The following NF2 variants were observed in gnomAD, a reference collection of about 807,000 sequenced individuals.
The protein encoded by NF2 is merlin.
Under a neutral mutation model 83.7 loss-of-function variants are expected in NF2, and 8 were observed. That is an observed-to-expected ratio of 0.10 (90% CI 0.06 to 0.17). The LOEUF is 0.17. Among genes scored for constraint, NF2 ranks in the 10% least tolerant of loss-of-function variants. The pLI, the probability that NF2 is intolerant of heterozygous loss-of-function variation, is 1.00. For missense variants in NF2, 533 were observed against 744.4 expected (o/e 0.72, Z 3.31); for synonymous variants, 266 against 269.6 (o/e 0.99, Z 0.13).
chr22:29,639,356 G>C (rs772936176), intron 3 of NF2, 144 bp downstream of exon 3: 51 of 1,007,604 alleles, frequency 5.1e-5, no homozygotes, highest in Non-Finnish European at 7.2e-5. Context: ...TTCTGTAATG[G>C]AAAAAAGGCT....
rs760095910 is a variant in NF2, at chr22:29,661,346, CAT to C, written c.810+8_810+9del. 5.1e-5 allele frequency: 82 copies of C among 1,613,674 alleles called. No individual in the cohort carries two copies. Among genetic ancestry groups the C allele is most frequent in the Admixed American group, 8.3e-5 (5 of 60,018 alleles). Reference sequence around the variant, plus strand: ...CTCGTACAGTGACAAGGAGGTAGGACATGTGTGTACTGCAGATGGGTCCAGCA... The same window carrying C: ...CTCGTACAGTGACAAGGAGGTAGGACGTGTGTACTGCAGATGGGTCCAGCA... On this transcript the variant is annotated splice_region_variant and intron_variant, in intron 8 of 15. Coordinates refer to ENST00000338641, the MANE Select transcript of NF2 (RefSeq NM_000268.4).
chr22:29,692,050 T>G (rs2267151), intron 15 of NF2, among the ~76,000 whole-genome samples: 46,277 of 152,058 alleles, frequency 0.3, 7,409 homozygotes, highest in Non-Finnish European at 0.37. Context: ...AATTGCACAA[T>G]GAGGGTAAAG....
chr22:29,624,865 CTT>C (rs773584805), intron 1 of NF2, among the ~76,000 whole-genome samples: 10 of 125,698 alleles, frequency 8.0e-5, no homozygotes, highest in African/African-American at 3.0e-4. Flanking sequence ...TTCTTTCTTT[CTT>C]TCTCTTTCTC....
rs2066578985 is a variant in NF2, at chr22:29,665,004, A to C, written c.825A>C (p.Pro275=). 6.2e-7 allele frequency: 1 copy of C among 1,612,598 alleles called. No homozygotes were observed. Among genetic ancestry groups the C allele is most frequent in the African/African-American group, 1.3e-5 (1 of 74,892 alleles). ...SYSDKEFTIK[P]LDKKIDVFKF... ...CATTCTTCCAGTTTACTATTAAACC[A>C]CTGGATAAGAAAATTGATGTCTTCA... Residue 275 remains proline, a synonymous_variant, in exon 9 of 16, where the codon CCA becomes CCC. Transcript: ENST00000338641.
chr22:29,622,733 G>C (rs901562887), intron 1 of NF2, among the ~76,000 whole-genome samples: 1 of 130,330 alleles, frequency 7.7e-6, no homozygotes, highest in African/African-American at 3.0e-5. Context: ...TCTGCTCACT[G>C]CAACCTCCAC....
chr22:29,643,939 CCCGGACGGGGCGG>C (rs1569285701), intron 4 of NF2, among the ~76,000 whole-genome samples: 1 of 132,390 alleles, frequency 7.6e-6, no homozygotes, highest in Non-Finnish European at 1.7e-5. Flanking sequence ...CAACCTCCCT[CCCGGACGGGGCGG>C]CTGGCCTGGC....
At chr22:29,619,154 C>G (rs2065147245) in intron 1 of NF2, among the ~76,000 whole-genome samples, 1 of 151,982 alleles carries the variant, frequency 6.6e-6, no homozygotes, top group Non-Finnish European at 1.5e-5. Context: ...AAGTGATTCT[C>G]CAGCCTCAGC....
At position 29,668,428 on chromosome 22, in the gene NF2, G is replaced by A. The variant is rs768194921; in HGVS notation, c.981G>A (p.Glu327=). ...AGCAGATGAAAGCCCAGGCCAGGGA[G>A]GAGAAGGCTAGAAAGCAGGTGAGCA... The part of the protein sequence containing the change: ...EVQQMKAQAR[E]EKARKQMERQ... The change falls in exon 10 of 16, where the codon GAG becomes GAA. Residue 327 remains glutamate (E), a synonymous_variant. Transcript: ENST00000338641. 4 of 1,613,734 alleles carry A rather than the reference G, an allele frequency of 2.5e-6. No individual in the cohort carries two copies. The East Asian group carries it at 8.9e-5, about 36-fold the overall frequency.
intron 1 of NF2, among the ~76,000 whole-genome samples, chr22:29,605,535 C>T (rs1183171025): frequency 6.6e-6 from 1 of 152,116 alleles, no homozygotes; most frequent in Non-Finnish European, 1.5e-5. Context: ...ATCTTGAACT[C>T]CTGAGCTCAA....
chr22:29,686,632 T>C (rs527891708), intron 15 of NF2, among the ~76,000 whole-genome samples: 5 of 152,342 alleles, frequency 3.3e-5, no homozygotes, highest in African/African-American at 1.2e-4. Context: ...AGAGCAAGAT[T>C]CCATCTCATA....
intron 15 of NF2, among the ~76,000 whole-genome samples, chr22:29,693,776 C>T (rs563164968): frequency 1.3e-5 from 2 of 152,274 alleles, no homozygotes; most frequent in South Asian, 2.1e-4. Context: ...CTGATCGGCA[C>T]ATAACACTAA....
chr22:29,655,975 G>T (rs1309605763), intron 6 of NF2, among the ~76,000 whole-genome samples: 2 of 147,480 alleles, frequency 1.4e-5, no homozygotes, highest in South Asian at 2.1e-4. Flanking sequence ...GTCTTGCTCT[G>T]TTGTCCAGGC....
At chr22:29,667,969 A>C (rs1434170816) in intron 9 of NF2, among the ~76,000 whole-genome samples, 1 of 152,016 alleles carries the variant, frequency 6.6e-6, no homozygotes, top group African/African-American at 2.4e-5. Context: ...ATTTTTTTCC[A>C]CATGCATAAC....
chr22:29,638,496 G>T (rs1482412189), intron 2 of NF2, among the ~76,000 whole-genome samples: 1 of 151,918 alleles, frequency 6.6e-6, no homozygotes, highest in Non-Finnish European at 1.5e-5. Flanking sequence ...AATTACAGGT[G>T]TCCACCACCA....
chr22:29,670,464 C>G (rs1377414231), intron 10 of NF2, among the ~76,000 whole-genome samples: 1 of 150,618 alleles, frequency 6.6e-6, no homozygotes, highest in African/African-American at 2.5e-5. Context: ...GAAGAACTTT[C>G]ACTGTTTTAT....
chr22:29,678,919 G>A (rs2067047636), intron 14 of NF2, among the ~76,000 whole-genome samples: 4 of 152,322 alleles, frequency 2.6e-5, no homozygotes, highest in Middle Eastern at 3.4e-3. Context: ...GAAAGGAAAG[G>A]ATCCCCACTG....
In NF2 at chr22:29,684,038, G is replaced by A. The variant is rs1601671902; in HGVS notation, c.1737+2437G>A. 3 of 519,244 alleles carry A rather than the reference G, an allele frequency of 5.8e-6. No homozygotes were observed. The East Asian group carries it at 2.4e-4, about 42-fold the overall frequency. 32.2% of individuals were successfully genotyped at this position (519,244 alleles called of 1,614,324 possible). On this transcript the variant is annotated intron_variant, in intron 15 of 15. Transcript: ENST00000338641. ...GCTCATAGAGTGGAATAAGCTCATT[G>A]GAACCTTTCTAACAAAAAGAGATCT...
Position 29,681,536 on chromosome 22 carries a change from C to G in NF2, c.1672C>G (p.Leu558Val), listed in dbSNP as rs765386271. The change falls in exon 15 of 16, where the codon CTG becomes GTG. Residue 558 changes from leucine (L) to valine (V), a missense_variant. By Grantham distance (32) the Leu-to-Val change is conservative. Transcript: ENST00000338641. ...GAAACTGAAAGAGAGGGAGACAGCT[C>G]TGGATATTCTGCACAATGAGAACTC... ...ALKLKERETA[L>V]DILHNENSDR... 6.2e-7 allele frequency: 1 copy of G among 1,614,088 alleles called. No homozygotes were observed. Among genetic ancestry groups the G allele is most frequent in the African/African-American group, 1.3e-5 (1 of 74,928 alleles).
chr22:29,620,945 T>C (rs1222499770), intron 1 of NF2, among the ~76,000 whole-genome samples: 1 of 152,166 alleles, frequency 6.6e-6, no homozygotes, highest in Admixed American at 6.5e-5. Context: ...GTTCTGTAAC[T>C]GACTTCATCT....
Sources: gnomAD v4.1 joint callset for allele counts (sites outside exome capture counted in the v4.1 genomes callset) on GRCh38, gnomAD v4.1.1 for gene constraint, MANE v1.5 for transcripts, NCBI Gene and HGNC (gene_info 2026-07-23, HGNC 2026-07-21) for gene names.